SPMIP4: variants seen among roughly 807,000 people sequenced by gnomAD.
The protein encoded by SPMIP4 is sperm microtubule inner protein 4.
At chr7:25,129,177 T>A in the SPMIP4 span, among the ~76,000 whole-genome samples, 1 of 152,324 alleles carries the variant, frequency 6.6e-6, no homozygotes, top group African/African-American at 2.4e-5. Flanking sequence ...CTAAGCCCAA[T>A]GGCTCCAAGC....
the SPMIP4 span, among the ~76,000 whole-genome samples, chr7:25,166,230 C>CTTTTTTTTTT: frequency 2.9e-5 from 2 of 69,230 alleles, 1 homozygote; most frequent in African/African-American, 7.6e-5. Context: ...TTCTTTCCGT[C>CTTTTTTTTTT]TTCTTTTTTT....
At chr7:25,136,703 T>C in the SPMIP4 span, 6 of 1,614,172 alleles carry the variant, frequency 3.7e-6, no homozygotes, top group Admixed American at 1.7e-5. This position sits in a 1 kb window ranked among gnomAD's most constrained non-coding sequence, Gnocchi z 5.7. Context: ...TGCTGGACTA[T>C]AGCCTCCAGA....
At chr7:25,158,547 A>C in the SPMIP4 span, 1 of 1,605,020 alleles carries the variant, frequency 6.2e-7, no homozygotes, top group Non-Finnish European at 8.5e-7. Flanking sequence ...TAAAAACAGG[A>C]AACAAGTTCT....
At chr7:25,133,986 G>A in the SPMIP4 span, among the ~76,000 whole-genome samples, 4 of 152,302 alleles carry the variant, frequency 2.6e-5, no homozygotes, top group Non-Finnish European at 5.9e-5. Context: ...ACTAGGCTGG[G>A]CATGGTGGCT....
the SPMIP4 span, among the ~76,000 whole-genome samples, chr7:25,133,182 T>C: frequency 2.0e-5 from 3 of 152,194 alleles, no homozygotes; most frequent in Non-Finnish European, 2.9e-5. Flanking sequence ...GCTAGTGTGT[T>C]CATATTTGGA....
the SPMIP4 span, among the ~76,000 whole-genome samples, chr7:25,177,799 AT>A: frequency 1.0e-3 from 155 of 151,696 alleles, no homozygotes; most frequent in African/African-American, 3.2e-3. Context: ...TTTCATTGTA[AT>A]TTTTTTTTTT....
the SPMIP4 span, among the ~76,000 whole-genome samples, chr7:25,126,420 A>G: frequency 2.6e-5 from 4 of 151,884 alleles, no homozygotes; most frequent in Non-Finnish European, 5.9e-5. Flanking sequence ...CAGGTGATTC[A>G]CCCGCATCGG....
At chr7:25,177,626 C>T in the SPMIP4 span, among the ~76,000 whole-genome samples, 2 of 152,100 alleles carry the variant, frequency 1.3e-5, no homozygotes, top group East Asian at 1.9e-4. Flanking sequence ...GAAATGCTGA[C>T]ACTAAGATCT....
chr7:25,127,979 G>A, the SPMIP4 span, among the ~76,000 whole-genome samples: 1 of 152,178 alleles, frequency 6.6e-6, no homozygotes, highest in Non-Finnish European at 1.5e-5. Context: ...TGACATTTGT[G>A]GTCTTGGGTA....
the SPMIP4 span, among the ~76,000 whole-genome samples, chr7:25,163,622 C>T: frequency 2.6e-5 from 4 of 152,286 alleles, no homozygotes; most frequent in African/African-American, 9.6e-5. This position sits in a 1 kb window ranked among gnomAD's most constrained non-coding sequence, Gnocchi z 4.4. Flanking sequence ...CATGAACTTC[C>T]CTCACTAAGA....
the SPMIP4 span, chr7:25,151,600 T>A: frequency 6.3e-7 from 1 of 1,584,108 alleles, no homozygotes; most frequent in Non-Finnish European, 8.7e-7. Context: ...ACTTACATCA[T>A]AATATACACC....
At chr7:25,136,134 A>C in the SPMIP4 span, 1 of 1,614,136 alleles carries the variant, frequency 6.2e-7, no homozygotes, top group East Asian at 2.2e-5. This position sits in a 1 kb window ranked among gnomAD's most constrained non-coding sequence, Gnocchi z 5.7. Flanking sequence ...GGTTGGTCTG[A>C]GGTTTGGTCA....
the SPMIP4 span, chr7:25,135,279 T>A: frequency 2.1e-6 from 2 of 969,838 alleles, no homozygotes; most frequent in Non-Finnish European, 2.5e-6. Flanking sequence ...TAAAATAATT[T>A]TATCTGCATA....
At chr7:25,135,208 T>A in the SPMIP4 span, 2 of 584,376 alleles carry the variant, frequency 3.4e-6, no homozygotes, top group Non-Finnish European at 4.3e-6. Flanking sequence ...TACCAAGCCA[T>A]CCTTTCTTGC....
At chr7:25,170,840 A>G in the SPMIP4 span, among the ~76,000 whole-genome samples, 24,665 of 152,124 alleles carry the variant, frequency 0.16, 2,618 homozygotes, top group African/African-American at 0.3. Flanking sequence ...ATTTTCAGAA[A>G]TGGAGAGTAT....
chr7:25,134,997 AC>A, the SPMIP4 span: 1 of 904,562 alleles, frequency 1.1e-6, no homozygotes, highest in Middle Eastern at 5.7e-4. Flanking sequence ...TAAGGAGGTT[AC>A]AACCAAATGA....
chr7:25,167,458 A>T, the SPMIP4 span, among the ~76,000 whole-genome samples: 1 of 152,226 alleles, frequency 6.6e-6, no homozygotes, highest in Non-Finnish European at 1.5e-5. Flanking sequence ...TGAGGTCCTC[A>T]CTATCTATTA....
the SPMIP4 span, chr7:25,135,303 T>C: frequency 1.0e-5 from 10 of 983,562 alleles, no homozygotes; most frequent in Non-Finnish European, 1.2e-5. Flanking sequence ...GAAACAGTTA[T>C]GTTTCTCAAT....
chr7:25,151,526 A>T, the SPMIP4 span: 1 of 1,001,564 alleles, frequency 1.0e-6, no homozygotes, highest in Non-Finnish European at 1.5e-6. Context: ...TCAAGCCTAG[A>T]TTTTTATAAA....
Sources: gnomAD v4.1 joint callset for allele counts (sites outside exome capture counted in the v4.1 genomes callset) on GRCh38, gnomAD v4.1.1 for gene constraint, Gnocchi (gnomAD v3.1) non-coding constraint, MANE v1.5 for transcripts, NCBI Gene and HGNC (gene_info 2026-07-23, HGNC 2026-07-21) for gene names.